The following AIPL1 variants were observed in gnomAD, a reference collection of about 807,000 sequenced individuals.
AIPL1 encodes AIP like 1 HSP90 co-chaperone, also known as aryl-hydrocarbon-interacting protein-like 1.
In AIPL1, 23 loss-of-function variants were observed where a neutral mutation model predicts 32.9. The ratio of observed to expected loss-of-function variants is 0.70; its 90% CI spans 0.50 to 0.99. The LOEUF (loss-of-function observed/expected upper bound fraction) is 0.99, where lower values mean the gene tolerates loss of function less well. AIPL1 is among the 50% of genes least tolerant of loss of function. The pLI is 0.00. For missense variants in AIPL1, 485 were observed against 506.0 expected, an observed-to-expected ratio of 0.96 and a Z score of 0.40; for synonymous variants, 210 against 209.4, an observed-to-expected ratio of 1.00 and a Z score of -0.02.
In AIPL1 at chr17:6,425,233, A is replaced by G. The variant is rs1911780460; in HGVS notation, c.*227T>C. On this transcript the variant is annotated 3_prime_UTR_variant, in exon 6 of 6. Coordinates refer to ENST00000381129, the MANE Select transcript of AIPL1 (RefSeq NM_014336.5). ...ATTAAAAACAGGGTCAATTAAAACC[A>G]TGGCACGGAAGGAATGAGAGGGGTA... 6.4e-6 allele frequency: 3 copies of G among 469,392 alleles called. No homozygotes were observed. The highest frequency in any genetic ancestry group is 3.8e-5 in the Admixed American group (1 of 26,448). The allele number at this position is 469,392 out of a possible 1,614,324, so 29.1% of individuals were successfully genotyped here.
chr17:6,429,120 T>G (rs1912298606), intron 2 of AIPL1, among the ~76,000 whole-genome samples: 1 of 152,152 alleles, frequency 6.6e-6, no homozygotes, highest in Non-Finnish European at 1.5e-5. Flanking sequence ...CAGATATAGA[T>G]CTGGCTCATC....
Position 6,425,612 on chromosome 17 carries a change from G to T in AIPL1, c.1003C>A (p.Pro335Thr). 6.2e-7 allele frequency: 1 copy of T among 1,613,252 alleles called. No individual in the cohort carries two copies. The change falls in exon 6 of 6, where the codon CCC becomes ACC. Residue 335 changes from proline to threonine, a missense_variant. Physicochemically the swap from Pro to Thr is conservative, Grantham distance 38 (BLOSUM62 -1). Transcript: ENST00000381129. ...GGTGGCTCTGTGGGTGGCTCTGCGGGAGGCTGCGTGGCACCCTGGCTCAGC... is the reference window on the plus strand; with the variant it reads ...GGTGGCTCTGTGGGTGGCTCTGCGGTAGGCTGCGTGGCACCCTGGCTCAGC... ...NMLSQGATQP[P>T]AEPPTEPPAQ...
rs1246333381 is a variant in AIPL1 at position 6,433,629 on chromosome 17, A to T, written c.276+290T>A. 4.4e-3 allele frequency among the ~76,000 whole-genome samples: 597 copies of T among 135,762 alleles called. 3 individuals carry two copies. The highest frequency in any genetic ancestry group is 0.016 in the African/African-American group (576 of 36,170). The allele number at this position is 135,762 out of a possible 152,430, so 89.1% of individuals were successfully genotyped here. A position where few individuals can be genotyped will look rare whatever the true frequency, so the allele number is the denominator to read the frequency against. On this transcript the variant is annotated intron_variant, in intron 2 of 5. Coordinates refer to ENST00000381129, the MANE Select transcript of AIPL1 (RefSeq NM_014336.5). Reference sequence around the variant, plus strand: ...CTCTCTCTCACACACACACACACACACACACACACACACACACACACACAC... The same window carrying T: ...CTCTCTCTCACACACACACACACACTCACACACACACACACACACACACAC...
chr17:6,433,912 T>C lies in AIPL1; in HGVS notation c.276+7A>G. The C allele has an allele frequency of 2.5e-6, 4 of 1,596,224 alleles. No homozygotes were observed. Among genetic ancestry groups the C allele is most frequent in the Non-Finnish European group, 2.6e-6 (3 of 1,172,328 alleles). On this transcript the variant is annotated splice_region_variant and intron_variant, in intron 2 of 5. Coordinates refer to ENST00000381129, the MANE Select transcript of AIPL1 (RefSeq NM_014336.5). ...TCCCAGGAGACAGGCGCGCAGGGCC[T>C]ACTTACGATGGTGTCGCACCAGAAC...
intron 2 of AIPL1, among the ~76,000 whole-genome samples, chr17:6,429,236 C>T (rs1416961548): frequency 6.6e-6 from 1 of 152,154 alleles, no homozygotes; most frequent in Non-Finnish European, 1.5e-5. Flanking sequence ...GTATGCTGGG[C>T]CTCAGTTTCC....
At position 6,434,037 on chromosome 17, in the gene AIPL1, C is replaced by T. The variant is rs756283764; in HGVS notation, c.158G>A (p.Arg53Gln). The T allele has an allele frequency of 4.2e-5, 68 of 1,614,018 alleles. No individual in the cohort carries two copies. In the Middle Eastern group the frequency reaches 6.6e-4, roughly 16 times the overall value. Residue 53 changes from arginine (R) to glutamine (Q), a missense_variant, in exon 2 of 6, where the codon CGG (arginine) becomes CAG (glutamine). Coordinates refer to ENST00000381129, the MANE Select transcript of AIPL1 (RefSeq NM_014336.5). The part of the protein sequence containing the change: ...DEERTVIDDS[R>Q]QVGQPMHIII... ...GATGTGCATGGGCTGGCCCACCTGC[C>T]GACTGTCGTCAATGACTGTCCGCTC...
intron 2 of AIPL1, among the ~76,000 whole-genome samples, chr17:6,429,141 CCAG>C (rs1393408710): frequency 6.6e-6 from 1 of 152,166 alleles, no homozygotes; most frequent in Non-Finnish European, 1.5e-5. Flanking sequence ...ACAGCTTCAG[CCAG>C]CATGGGAGCT....
In AIPL1 at chr17:6,427,008, T is replaced by C. The variant is rs1285577966; in HGVS notation, c.515A>G (p.His172Arg). ...YQRETWNLSN[H>R]EKMKAVPVLH... ...GACGGGCACCGCCTTCATCTTCTCA[T>C]GATTGCTCAGGTTCCAGGTCTCCCT... The change falls in exon 4 of 6, where the codon CAT becomes CGT. Residue 172 changes from histidine to arginine, a missense_variant. Physicochemically the swap from His to Arg is conservative, Grantham distance 29. Transcript: ENST00000381129. 5.6e-6 allele frequency: 9 copies of C among 1,614,082 alleles called. No individual in the cohort carries two copies. In the Admixed American group the frequency reaches 1.5e-4, roughly 27 times the overall value.
chr17:6,430,044 G>GGT (rs34593943), intron 2 of AIPL1, among the ~76,000 whole-genome samples: 6,760 of 144,702 alleles, frequency 0.047, 178 homozygotes, highest in African/African-American at 0.082. Flanking sequence ...CTCTAGAAGG[G>GGT]GTGTGTGTGT....
intron 1 of AIPL1, 73 bp from the exon 2 acceptor site, chr17:6,434,171 C>A: frequency 6.5e-7 from 1 of 1,542,872 alleles, no homozygotes; most frequent in Admixed American, 1.8e-5. Flanking sequence ...CCCTTGCCAC[C>A]GACACCCAGG....
intron 1 of AIPL1, among the ~76,000 whole-genome samples, chr17:6,434,369 T>G (rs543375139): frequency 2.0e-5 from 3 of 147,136 alleles, no homozygotes; most frequent in Admixed American, 2.0e-4. Context: ...TTTTTTTTTT[T>G]TTTTTCTGAG....
At chr17:6,425,945 C>T in intron 5 of AIPL1, 115 bp from the exon 6 acceptor site, 1 of 1,370,012 alleles carries the variant, frequency 7.3e-7, no homozygotes, top group Non-Finnish European at 9.8e-7. Context: ...GATCCTTAAC[C>T]TCTCTGTATC....
intron 3 of AIPL1, among the ~76,000 whole-genome samples, chr17:6,427,810 C>CTTTT (rs5819114): frequency 1.4e-5 from 2 of 144,748 alleles, no homozygotes; most frequent in South Asian, 2.2e-4. Flanking sequence ...TCCAAGTGGA[C>CTTTT]TTTTTTTTTT....
At chr17:6,427,109 C>G (rs777063513) in intron 3 of AIPL1, 52 bp from the exon 4 acceptor site, 21 of 1,600,058 alleles carry the variant, frequency 1.3e-5, no homozygotes, top group Non-Finnish European at 1.6e-5. Flanking sequence ...GGCCTGCACC[C>G]CATCAGAGAC....
At chr17:6,425,934 T>A in intron 5 of AIPL1, 104 bp from the exon 6 acceptor site, 4 of 1,454,714 alleles carry the variant, frequency 2.7e-6, no homozygotes, top group Non-Finnish European at 3.7e-6. Context: ...AGCCCCGCCA[T>A]GATCCTTAAC....
chr17:6,428,474 G>A lies in AIPL1; in HGVS notation c.309C>T (p.Ser103=). The change falls in exon 3 of 6, where the codon AGC becomes AGT. Residue 103 remains serine (S), a synonymous_variant. Coordinates refer to ENST00000381129, the MANE Select transcript of AIPL1 (RefSeq NM_014336.5). ...HTGVYPILSR[S]LRQMAQGKDP... is the part of the protein sequence containing the mutation. ...CCTTGCCCTGGGCCATCTGCCTCAG[G>A]CTCCGGGATAGGATGGGGTAGACCC... 2 of 1,613,996 alleles carry A rather than the reference G, an allele frequency of 1.2e-6. No homozygotes were observed. The highest frequency in any genetic ancestry group is 1.7e-6 in the Non-Finnish European group (2 of 1,180,030).
chr17:6,434,927 T>G, intron 1 of AIPL1, 82 bp downstream of exon 1: 1 of 1,602,202 alleles, frequency 6.2e-7, no homozygotes, highest in Non-Finnish European at 8.5e-7. Context: ...AGCTGAAAGC[T>G]GTTTACAGTG....
At chr17:6,426,792 G>A in intron 4 of AIPL1, 36 bp from the exon 5 acceptor site, 1 of 1,612,456 alleles carries the variant, frequency 6.2e-7, no homozygotes, top group South Asian at 1.1e-5. Flanking sequence ...ACCTCAGGCA[G>A]CTGCCCAACC....
At chr17:6,433,609 TCTCA>T (rs1235509134) in intron 2 of AIPL1, among the ~76,000 whole-genome samples, 7 of 122,842 alleles carry the variant, frequency 5.7e-5, no homozygotes, top group Admixed American at 3.1e-4. Context: ...TCTCTCTCTC[TCTCA>T]CACACACACA....
Sources: gnomAD v4.1 joint callset for allele counts (sites outside exome capture counted in the v4.1 genomes callset) on GRCh38, gnomAD v4.1.1 for gene constraint, MANE v1.5 for transcripts, NCBI Gene and HGNC (gene_info 2026-07-23, HGNC 2026-07-21) for gene names.